DAP3: variants seen among roughly 807,000 people sequenced by gnomAD.
DAP3 encodes the protein death associated protein 3, also known as small ribosomal subunit protein mS29.
In DAP3, 28 loss-of-function variants were observed where a neutral mutation model predicts 51.9. The ratio of observed to expected loss-of-function variants is 0.54; its 90% CI spans 0.40 to 0.74. The LOEUF (loss-of-function observed/expected upper bound fraction) is 0.74, where lower values mean the gene tolerates loss of function less well. DAP3 is among the 30% of genes least tolerant of loss of function. The pLI is 0.00. For synonymous variants in DAP3, 170 were observed against 170.3 expected, an observed-to-expected ratio of 1.00 and a Z score of 0.01; for missense variants, 458 against 483.5, an observed-to-expected ratio of 0.95 and a Z score of 0.49.
upstream of DAP3, chr1:155,688,283 A>C: frequency 6.3e-7 from 1 of 1,585,158 alleles, no homozygotes; most frequent in South Asian, 1.1e-5. Flanking sequence ...CGCAACCGAC[A>C]CTGGGATCGT....
intron 3 of DAP3, among the ~76,000 whole-genome samples, chr1:155,717,774 G>C (rs762211676): frequency 1.3e-5 from 2 of 152,164 alleles, no homozygotes; most frequent in African/African-American, 4.8e-5. Flanking sequence ...CTAGGGTCTG[G>C]AGAGGGAACT....
intron 4 of DAP3, 138 bp from the exon 5 acceptor site, chr1:155,725,244 C>G: frequency 1.5e-6 from 1 of 672,632 alleles, no homozygotes; most frequent in South Asian, 1.8e-5. Context: ...TCAGTACCAA[C>G]CCAGCTTCTC....
chr1:155,733,369 G>A (rs533168982), intron 11 of DAP3, among the ~76,000 whole-genome samples: 1 of 152,310 alleles, frequency 6.6e-6, no homozygotes, highest in East Asian at 1.9e-4. Flanking sequence ...ACTAGGTAAA[G>A]ATCCTGTTAC....
At chr1:155,710,135 C>T (rs1281480035) in intron 2 of DAP3, 1 of 239,546 alleles carries the variant, frequency 4.2e-6, no homozygotes. Context: ...GCTTTAGCAT[C>T]TAAAATAGAA....
At chr1:155,725,555 G>A in intron 5 of DAP3, 65 bp downstream of exon 5, 1 of 1,465,432 alleles carries the variant, frequency 6.8e-7, no homozygotes, top group Non-Finnish European at 9.5e-7. Context: ...TAAGGCAACA[G>A]AAGAAATGAA....
intron 11 of DAP3, chr1:155,736,515 C>G (rs1249806210): frequency 4.6e-6 from 1 of 219,176 alleles, no homozygotes; most frequent in Non-Finnish European, 9.1e-6. Context: ...TCTCAACCTC[C>G]TGGTCTCAAG....
intron 2 of DAP3, among the ~76,000 whole-genome samples, chr1:155,715,528 AAGAGAGAG>A (rs5777953): frequency 1.3e-5 from 2 of 150,270 alleles, no homozygotes; most frequent in African/African-American, 4.9e-5. Context: ...TCTTAAAAAA[AAGAGAGAG>A]AGAGAGAGAG....
At chr1:155,706,682 G>A (rs535117061) in intron 1 of DAP3, among the ~76,000 whole-genome samples, 45 of 152,048 alleles carry the variant, frequency 3.0e-4, no homozygotes, top group African/African-American at 8.9e-4. Context: ...CAGGAGAATC[G>A]CTTGAGCCCG....
At chr1:155,697,853 T>A (rs1408872910) in intron 1 of DAP3, among the ~76,000 whole-genome samples, 1 of 152,176 alleles carries the variant, frequency 6.6e-6, no homozygotes. Context: ...AGGGCATATT[T>A]CATCCCTTAT....
intron 1 of DAP3, among the ~76,000 whole-genome samples, chr1:155,701,632 C>G (rs1363359139): frequency 7.5e-6 from 1 of 134,124 alleles, no homozygotes; most frequent in Non-Finnish European, 1.6e-5. Context: ...GTCCCATGAC[C>G]CTGCCAAATC....
In DAP3 at chr1:155,723,649, T is replaced by TA. The variant is rs1658242322; in HGVS notation, c.271-1732dup. ...CAGCCAACATTTGTTTTAATACCTT[T>TA]ATCATGTTTTTTTGAACATTGAGCC... On this transcript the variant is annotated intron_variant, in intron 4 of 12. Transcript: ENST00000368336. 2.6e-5 allele frequency among the ~76,000 whole-genome samples: 4 copies of TA among 152,328 alleles called. No homozygotes were observed. In the South Asian group the frequency reaches 8.3e-4, roughly 32 times the overall value.
At chr1:155,707,114 CAAAA>C (rs1287969897) in intron 1 of DAP3, among the ~76,000 whole-genome samples, 2 of 126,462 alleles carry the variant, frequency 1.6e-5, no homozygotes, top group Non-Finnish European at 3.5e-5. Context: ...ACAAAACAAA[CAAAA>C]AAAATTTATA....
At chr1:155,692,442 C>G (rs900936929) in intron 1 of DAP3, among the ~76,000 whole-genome samples, 1 of 141,640 alleles carries the variant, frequency 7.1e-6, no homozygotes, top group African/African-American at 3.2e-5. Flanking sequence ...TGGTCTCTCT[C>G]CAGAGGCATC....
chr1:155,721,306 T>G (rs761568491), intron 3 of DAP3, among the ~76,000 whole-genome samples: 20 of 151,626 alleles, frequency 1.3e-4, no homozygotes, highest in Non-Finnish European at 2.8e-4. Flanking sequence ...CACTCCTGCC[T>G]GGGTGACAAA....
intron 1 of DAP3, among the ~76,000 whole-genome samples, chr1:155,692,445 G>C (rs1453358937): frequency 7.1e-6 from 1 of 141,542 alleles, no homozygotes; most frequent in African/African-American, 3.2e-5. Context: ...TCTCTCTCCA[G>C]AGGCATCTTC....
At position 155,725,917 on chromosome 1, in the gene DAP3, T is replaced by A. The variant is rs776627010; in HGVS notation, c.380-10T>A. ...TCCAGTCATGTTTTCTTTAACAACA[T>A]ATACTTTAGATGGAGAGAAGGGAAC... On this transcript the variant is annotated splice_polypyrimidine_tract_variant and intron_variant, in intron 5 of 12. Transcript: ENST00000368336. 6 of 1,611,928 alleles carry A rather than the reference T, an allele frequency of 3.7e-6. No homozygotes were observed. The Admixed American group carries it at 1.0e-4, about 27-fold the overall frequency.
At chr1:155,702,296 C>A (rs574971674) in intron 1 of DAP3, among the ~76,000 whole-genome samples, 1 of 150,542 alleles carries the variant, frequency 6.6e-6, no homozygotes, top group Non-Finnish European at 1.5e-5. Context: ...AGGGAAACCC[C>A]GTCTCTACTA....
At chr1:155,725,358 T>A in intron 4 of DAP3, 24 bp from the exon 5 acceptor site, 1 of 1,594,572 alleles carries the variant, frequency 6.3e-7, no homozygotes, top group Non-Finnish European at 8.6e-7. Flanking sequence ...CCACCCACTC[T>A]TTCCTTCTTT....
chr1:155,688,256 T>A (rs1312325772), upstream of DAP3: 13 of 1,605,794 alleles, frequency 8.1e-6, no homozygotes, highest in Non-Finnish European at 1.1e-5. Context: ...AGGGGCAAAC[T>A]GAGAGGAGGC....
Sources: allele counts gnomAD v4.1 joint callset (sites outside exome capture counted in the v4.1 genomes callset), GRCh38; gene constraint gnomAD v4.1.1; transcripts MANE v1.5; gene names NCBI Gene and HGNC (gene_info 2026-07-23, HGNC 2026-07-21).